The following KCNQ1OT1 variants were observed in gnomAD, a reference collection of about 807,000 sequenced individuals.
The protein encoded by KCNQ1OT1 is KCNQ1 antisense RNA 2 (non-protein coding).
In KCNQ1OT1 at chr11:2,620,948, G is replaced by GTTTTGTT. The variant is rs1849160311; in HGVS notation, n.79046_79047insAACAAAA. 2.9e-6 allele frequency: 1 copy of GTTTTGTT among 343,498 alleles called. No homozygotes were observed. The highest frequency in any genetic ancestry group is 5.1e-6 in the Non-Finnish European group (1 of 195,134). 21.3% of individuals were successfully genotyped at this position (343,498 alleles called of 1,614,324 possible). A position where few individuals can be genotyped will look rare whatever the true frequency, so the allele number is the denominator to read the frequency against. ...TTTTTTGTTGTTGTTGTTTTGTTTTGTTTTTTTTTGTCTGTTTTTTGCTTT... is the reference window on the plus strand; with the variant it reads ...TTTTTTGTTGTTGTTGTTTTGTTTTGTTTTGTTTTTTTTTTTGTCTGTTTTTTGCTTT... On this transcript the variant is annotated non_coding_transcript_exon_variant, in exon 1 of 1. Transcript: ENST00000597346. The surrounding 1 kb of genome is among the most constrained non-coding windows in gnomAD (Gnocchi z 4.5).
In KCNQ1OT1 at chr11:2,640,702, C is replaced by T. The variant is rs181201410; in HGVS notation, n.59293G>A. 1.8e-5 allele frequency: 7 copies of T among 398,374 alleles called. No homozygotes were observed. The East Asian group carries it at 2.5e-4, about 14-fold the overall frequency. 24.7% of individuals were successfully genotyped at this position (398,374 alleles called of 1,614,324 possible). A position where few individuals can be genotyped will look rare whatever the true frequency, so the allele number is the denominator to read the frequency against. ...TCTATAGTTAGGAACATTTCAAGTC[C>T]TCTTTTTTATTTTGAAATATACATT... On this transcript the variant is annotated non_coding_transcript_exon_variant, in exon 1 of 1. Transcript: ENST00000597346.
rs980525342 is a variant in KCNQ1OT1 at position 2,648,771 on chromosome 11, C to T, written n.51224G>A. On this transcript the variant is annotated non_coding_transcript_exon_variant, in exon 1 of 1. Coordinates refer to ENST00000597346, the Ensembl canonical transcript of KCNQ1OT1. ...TAATATTTCCTTGTTGATATTTTTCCATCCAAATGAATTGTCCAATGCTGA... is the reference window on the plus strand; with the variant it reads ...TAATATTTCCTTGTTGATATTTTTCTATCCAAATGAATTGTCCAATGCTGA... The T allele has an allele frequency of 7.5e-6, 3 of 398,414 alleles. No individual in the cohort carries two copies. In the East Asian group the frequency reaches 1.1e-4, roughly 14 times the overall value. 24.7% of individuals were successfully genotyped at this position (398,414 alleles called of 1,614,324 possible). A position where few individuals can be genotyped will look rare whatever the true frequency, so the allele number is the denominator to read the frequency against.
At position 2,613,493 on chromosome 11, in the gene KCNQ1OT1, G is replaced by C. The variant is rs752401885; in HGVS notation, n.86502C>G. On this transcript the variant is annotated non_coding_transcript_exon_variant, in exon 1 of 1. Coordinates refer to ENST00000597346, the Ensembl canonical transcript of KCNQ1OT1. This position sits in a 1 kb window ranked among gnomAD's most constrained non-coding sequence, Gnocchi z 4.8. ...TTTGTTGCTGGTCCTCAAGCCTACC[G>C]TGCCCCTGAGCTTGGGTGGGGAGAT... 2.5e-6 allele frequency: 1 copy of C among 398,378 alleles called. No individual in the cohort carries two copies. Among genetic ancestry groups the C allele is most frequent in the Non-Finnish European group, 4.4e-6 (1 of 226,058 alleles). The allele number at this position is 398,378 out of a possible 1,614,324, so 24.7% of individuals were successfully genotyped here. A position where few individuals can be genotyped will look rare whatever the true frequency, so the allele number is the denominator to read the frequency against.
exon 1 of KCNQ1OT1, chr11:2,618,303 T>C (rs1176220009): frequency 7.5e-6 from 3 of 398,412 alleles, no homozygotes; most frequent in Admixed American, 4.4e-5. Context: ...CAACAGCTGA[T>C]GGGCTAAAAA....
Position 2,663,178 on chromosome 11 carries a change from G to C in KCNQ1OT1, n.36817C>G. 7.5e-6 allele frequency: 3 copies of C among 398,764 alleles called. No individual in the cohort carries two copies. Among genetic ancestry groups the C allele is most frequent in the Non-Finnish European group, 8.8e-6 (2 of 226,178 alleles). The allele number at this position is 398,764 out of a possible 1,614,324, so 24.7% of individuals were successfully genotyped here. On this transcript the variant is annotated non_coding_transcript_exon_variant, in exon 1 of 1. Transcript: ENST00000597346. This position sits in a 1 kb window ranked among gnomAD's most constrained non-coding sequence, Gnocchi z 5.2. ...TCCAGGCCCCCCCAGTTCACAGAGA[G>C]GTTGGCAGTACCTCATGGTGGGTAG... is the stretch of plus-strand genomic sequence containing the variant.
Position 2,627,657 on chromosome 11 carries a change from ATT to A in KCNQ1OT1, n.72336_72337del, listed in dbSNP as rs1491581409. Reference sequence around the variant, plus strand: ...CTGCTTTTTAAAGGATGAATATTTCATTGTGTGTGTGTATATATGTGTGTGTG... The same window carrying A: ...CTGCTTTTTAAAGGATGAATATTTCAGTGTGTGTGTATATATGTGTGTGTG... On this transcript the variant is annotated non_coding_transcript_exon_variant, in exon 1 of 1. Transcript: ENST00000597346. This position sits in a 1 kb window ranked among gnomAD's most constrained non-coding sequence, Gnocchi z 4.9. 1 of 398,126 alleles carries A rather than the reference ATT, an allele frequency of 2.5e-6. No individual in the cohort carries two copies. The highest frequency in any genetic ancestry group is 4.4e-6 in the Non-Finnish European group (1 of 225,978). 24.7% of individuals were successfully genotyped at this position (398,126 alleles called of 1,614,324 possible). A position where few individuals can be genotyped will look rare whatever the true frequency, so the allele number is the denominator to read the frequency against.
At chr11:2,665,738 C>G in exon 1 of KCNQ1OT1, 2 of 398,634 alleles carry the variant, frequency 5.0e-6, no homozygotes, top group Non-Finnish European at 8.8e-6. Flanking sequence ...CCAGAACCCC[C>G]AAAGCCCCAG....
In KCNQ1OT1 at chr11:2,612,997, TGTTTGTTTTAA is replaced by T. The variant is rs1849006046; in HGVS notation, n.86987_86997del. The T allele has an allele frequency of 5.0e-6, 2 of 398,540 alleles. No homozygotes were observed. The highest frequency in any genetic ancestry group is 4.4e-5 in the Admixed American group (1 of 22,716). The allele number at this position is 398,540 out of a possible 1,614,324, so 24.7% of individuals were successfully genotyped here. ...AGCCACTGGTGTCTTTGCTCAGTTT[TGTTTGTTTTAA>T]TTCTTATGTTTGTTTTGTAAGCCTG... is the stretch of plus-strand genomic sequence containing the variant. On this transcript the variant is annotated non_coding_transcript_exon_variant, in exon 1 of 1. Coordinates refer to ENST00000597346, the Ensembl canonical transcript of KCNQ1OT1. This position sits in a 1 kb window ranked among gnomAD's most constrained non-coding sequence, Gnocchi z 5.5.
At position 2,624,251 on chromosome 11, in the gene KCNQ1OT1, T is replaced by C; in HGVS notation, n.75744A>G. On this transcript the variant is annotated non_coding_transcript_exon_variant, in exon 1 of 1. Coordinates refer to ENST00000597346, the Ensembl canonical transcript of KCNQ1OT1. The surrounding 1 kb of genome is among the most constrained non-coding windows in gnomAD (Gnocchi z 4.9). ...GATGTCTGTTAAGGTCTTCAGTCCA[T>C]TTTGTAATCAGATTGTTTGTTTTCT... 1 of 398,614 alleles carries C rather than the reference T, an allele frequency of 2.5e-6. No homozygotes were observed. 24.7% of individuals were successfully genotyped at this position (398,614 alleles called of 1,614,324 possible). A position where few individuals can be genotyped will look rare whatever the true frequency, so the allele number is the denominator to read the frequency against.
chr11:2,643,580 T>C (rs1004252461), exon 1 of KCNQ1OT1: 2 of 398,434 alleles, frequency 5.0e-6, no homozygotes, highest in African/African-American at 4.1e-5. Flanking sequence ...AGCATTTAGA[T>C]GGGTCATGTT....
In KCNQ1OT1 at chr11:2,671,596, C is replaced by T. The variant is rs1554905148; in HGVS notation, n.28399G>A. 1 of 398,654 alleles carries T rather than the reference C, an allele frequency of 2.5e-6. No individual in the cohort carries two copies. The highest frequency in any genetic ancestry group is 4.4e-6 in the Non-Finnish European group (1 of 226,070). 24.7% of individuals were successfully genotyped at this position (398,654 alleles called of 1,614,324 possible). A position where few individuals can be genotyped will look rare whatever the true frequency, so the allele number is the denominator to read the frequency against. On this transcript the variant is annotated non_coding_transcript_exon_variant, in exon 1 of 1. Transcript: ENST00000597346. The surrounding 1 kb of genome is among the most constrained non-coding windows in gnomAD (Gnocchi z 4.7). ...TGAGCATTTATACAAGATCAGACTG[C>T]ACTGCACCCTAAGTATAAACCTTGC...
exon 1 of KCNQ1OT1, chr11:2,685,024 T>G (rs1850459857): frequency 2.5e-6 from 1 of 398,532 alleles, no homozygotes; most frequent in Admixed American, 4.4e-5. Context: ...CATCCCTGTC[T>G]CATGGGTGAG....
In KCNQ1OT1 at chr11:2,617,558, AT is replaced by A; in HGVS notation, n.82436del. ...GATATCTTTATGAGGTGGAGATTTC[AT>A]TTTCTTTGGGAATATACCTAGAAGA... On this transcript the variant is annotated non_coding_transcript_exon_variant, in exon 1 of 1. Transcript: ENST00000597346. This position sits in a 1 kb window ranked among gnomAD's most constrained non-coding sequence, Gnocchi z 4.6. The A allele has an allele frequency of 2.5e-6, 1 of 398,436 alleles. No homozygotes were observed. The allele number at this position is 398,436 out of a possible 1,614,324, so 24.7% of individuals were successfully genotyped here. A position where few individuals can be genotyped will look rare whatever the true frequency, so the allele number is the denominator to read the frequency against.
chr11:2,642,546 A>G lies in KCNQ1OT1; in HGVS notation n.57449T>C, dbSNP rs1310001677. On this transcript the variant is annotated non_coding_transcript_exon_variant, in exon 1 of 1. Coordinates refer to ENST00000597346, the Ensembl canonical transcript of KCNQ1OT1. This position sits in a 1 kb window ranked among gnomAD's most constrained non-coding sequence, Gnocchi z 4.3. ...CCCTTTTTCATTTTTGATTTTATTC[A>G]TGTAGGTCTTCTCTCTTTTCTTCTT... 3 of 397,718 alleles carry G rather than the reference A, an allele frequency of 7.5e-6. No individual in the cohort carries two copies. Among genetic ancestry groups the G allele is most frequent in the Non-Finnish European group, 8.9e-6 (2 of 225,658 alleles). The allele number at this position is 397,718 out of a possible 1,614,324, so 24.6% of individuals were successfully genotyped here. A position where few individuals can be genotyped will look rare whatever the true frequency, so the allele number is the denominator to read the frequency against.
At chr11:2,660,247 T>A in exon 1 of KCNQ1OT1, 1 of 398,398 alleles carries the variant, frequency 2.5e-6, no homozygotes, top group Non-Finnish European at 4.4e-6. Context: ...TAATTGTTGA[T>A]CATCTGTCCT....
Position 2,679,967 on chromosome 11 carries a change from T to C in KCNQ1OT1, n.20028A>G. Reference sequence around the variant, plus strand: ...GGAATGCAGTGGCACAGTCTCGGCTTACTGCAACCTCTACCTCCTGGGTTC... The same window carrying C: ...GGAATGCAGTGGCACAGTCTCGGCTCACTGCAACCTCTACCTCCTGGGTTC... On this transcript the variant is annotated non_coding_transcript_exon_variant, in exon 1 of 1. Coordinates refer to ENST00000597346, the Ensembl canonical transcript of KCNQ1OT1. The surrounding 1 kb of genome is among the most constrained non-coding windows in gnomAD (Gnocchi z 4.8). The C allele has an allele frequency of 2.5e-6, 1 of 397,308 alleles. No homozygotes were observed. Among genetic ancestry groups the C allele is most frequent in the Non-Finnish European group, 4.4e-6 (1 of 225,836 alleles). The allele number at this position is 397,308 out of a possible 1,614,324, so 24.6% of individuals were successfully genotyped here.
In KCNQ1OT1 at chr11:2,676,642, TAG is replaced by T; in HGVS notation, n.23351_23352del. On this transcript the variant is annotated non_coding_transcript_exon_variant, in exon 1 of 1. Transcript: ENST00000597346. This position sits in a 1 kb window ranked among gnomAD's most constrained non-coding sequence, Gnocchi z 4.2. Reference sequence around the variant, plus strand: ...ATGGGTAGCTTCACAGATTCACAGATAGATAGTTCATTAAGGTCTTGAGTATT... The same window carrying T: ...ATGGGTAGCTTCACAGATTCACAGATATAGTTCATTAAGGTCTTGAGTATT... 2.5e-6 allele frequency: 1 copy of T among 398,644 alleles called. No individual in the cohort carries two copies. 24.7% of individuals were successfully genotyped at this position (398,644 alleles called of 1,614,324 possible).
rs878914761 is a variant in KCNQ1OT1, at chr11:2,611,775, C to T, written n.88220G>A. 1 of 398,244 alleles carries T rather than the reference C, an allele frequency of 2.5e-6. No individual in the cohort carries two copies. Among genetic ancestry groups the T allele is most frequent in the Admixed American group, 4.4e-5 (1 of 22,694 alleles). 24.7% of individuals were successfully genotyped at this position (398,244 alleles called of 1,614,324 possible). On this transcript the variant is annotated non_coding_transcript_exon_variant, in exon 1 of 1. Transcript: ENST00000597346. This position sits in a 1 kb window ranked among gnomAD's most constrained non-coding sequence, Gnocchi z 5.3. ...TATTTATTTTCTATATGTCTCATAT[C>T]ACTTTTGTTCCTCTCTTCCTCCTTT...
chr11:2,627,363 G>A lies in KCNQ1OT1; in HGVS notation n.72632C>T, dbSNP rs914519456. Reference sequence around the variant, plus strand: ...ACTCTCTTAGCAAATTCCAAGTATAGAATATATTAACTATAGTCACCAATC... The same window carrying A: ...ACTCTCTTAGCAAATTCCAAGTATAAAATATATTAACTATAGTCACCAATC... On this transcript the variant is annotated non_coding_transcript_exon_variant, in exon 1 of 1. Coordinates refer to ENST00000597346, the Ensembl canonical transcript of KCNQ1OT1. The surrounding 1 kb of genome is among the most constrained non-coding windows in gnomAD (Gnocchi z 4.9). The A allele has an allele frequency of 1.1e-4, 43 of 398,300 alleles. No homozygotes were observed. Among genetic ancestry groups the A allele is most frequent in the Non-Finnish European group, 1.8e-4 (41 of 226,024 alleles). The allele number at this position is 398,300 out of a possible 1,614,324, so 24.7% of individuals were successfully genotyped here.
Sources: gnomAD v4.1 joint callset for allele counts on GRCh38, gnomAD v4.1.1 for gene constraint, Gnocchi (gnomAD v3.1) non-coding constraint, MANE v1.5 for transcripts, NCBI Gene and HGNC (gene_info 2026-07-23, HGNC 2026-07-21) for gene names.